The following CORIN variants were observed in gnomAD, a reference collection of about 807,000 sequenced individuals.
CORIN encodes corin, serine peptidase.
CORIN carries 117 observed loss-of-function variants against 125.3 expected under a neutral mutation model. The ratio of observed to expected loss-of-function variants is 0.93; its 90% CI spans 0.80 to 1.09. The LOEUF is 1.09. Among genes scored for constraint, CORIN ranks in the 50% least tolerant of loss-of-function variants. The probability of loss-of-function intolerance (pLI) is 0.00; values close to 1 mark genes in which losing one functional copy is unlikely to be tolerated. For synonymous variants in CORIN, 450 were observed against 466.4 expected (o/e 0.96, Z 0.45); for missense variants, 1,253 against 1,306.7 (o/e 0.96, Z 0.63).
intron 16 of CORIN, among the ~76,000 whole-genome samples, chr4:47,636,611 T>A (rs2109593956): frequency 6.6e-6 from 1 of 152,038 alleles, no homozygotes; most frequent in South Asian, 2.1e-4. Context: ...AGTGAATGAG[T>A]TTTAGGAGAT....
At chr4:47,744,952 C>CA (rs1229596951) in intron 4 of CORIN, among the ~76,000 whole-genome samples, 1 of 152,052 alleles carries the variant, frequency 6.6e-6, no homozygotes, top group East Asian at 1.9e-4. Context: ...AGAAGTAGGT[C>CA]AAAAATATGT....
chr4:47,596,399 C>G (rs1721251399), intron 21 of CORIN, among the ~76,000 whole-genome samples: 1 of 152,140 alleles, frequency 6.6e-6, no homozygotes. Flanking sequence ...AATTTGGGGT[C>G]CCTTACTACA....
At chr4:47,758,954 G>C (rs1729321927) in intron 4 of CORIN, among the ~76,000 whole-genome samples, 1 of 152,092 alleles carries the variant, frequency 6.6e-6, no homozygotes, top group Admixed American at 6.6e-5. Flanking sequence ...TGTGAGACTG[G>C]AATAATAACA....
At chr4:47,621,850 CT>C (rs869215076) in intron 19 of CORIN, among the ~76,000 whole-genome samples, 5,348 of 138,344 alleles carry the variant, frequency 0.039, 266 homozygotes, top group African/African-American at 0.12. Flanking sequence ...AGATAAAAAT[CT>C]TTTTTTTTTT....
At chr4:47,634,857 G>A (rs755183509) in intron 16 of CORIN, among the ~76,000 whole-genome samples, 19 of 152,156 alleles carry the variant, frequency 1.2e-4, no homozygotes, top group Non-Finnish European at 2.4e-4. Context: ...GGGAAGTGAA[G>A]TAAATATCGA....
intron 13 of CORIN, among the ~76,000 whole-genome samples, chr4:47,650,104 T>C (rs144674210): frequency 8.5e-5 from 13 of 152,354 alleles, no homozygotes; most frequent in African/African-American, 3.1e-4. Context: ...GATCTTCTAA[T>C]ACAACCTAAG....
At position 47,692,964 on chromosome 4, in the gene CORIN, A is replaced by C. The variant is rs1725834458; in HGVS notation, c.913+6T>G. ...TCAGACAAACCCTAAACAGCTTGTC[A>C]CATACTGCAATGAGCCTCGTCACTC... On this transcript the variant is annotated splice_donor_region_variant and intron_variant, in intron 6 of 21. Coordinates refer to ENST00000273857, the MANE Select transcript of CORIN (RefSeq NM_006587.4). 1 of 1,603,966 alleles carries C rather than the reference A, an allele frequency of 6.2e-7. No individual in the cohort carries two copies. Among genetic ancestry groups the C allele is most frequent in the Non-Finnish European group, 8.5e-7 (1 of 1,170,926 alleles).
intron 4 of CORIN, among the ~76,000 whole-genome samples, chr4:47,759,769 C>A (rs1729360122): frequency 6.6e-6 from 1 of 152,116 alleles, no homozygotes; most frequent in African/African-American, 2.4e-5. Context: ...CTCAAGAAAC[C>A]ACTTTCTTTG....
At chr4:47,698,995 G>C (rs10032968) in intron 5 of CORIN, among the ~76,000 whole-genome samples, 8 of 152,190 alleles carry the variant, frequency 5.3e-5, no homozygotes, top group African/African-American at 1.9e-4. Flanking sequence ...TCTACATCTA[G>C]GTTCGTGTAA....
intron 7 of CORIN, 41 bp downstream of exon 7, chr4:47,683,690 T>C (rs1306941760): frequency 1.4e-5 from 20 of 1,440,908 alleles, no homozygotes; most frequent in Admixed American, 1.9e-5. Context: ...TAAATTTCTA[T>C]GATTTTAAAT....
At chr4:47,597,879 C>T (rs940690646) in intron 21 of CORIN, among the ~76,000 whole-genome samples, 3 of 152,136 alleles carry the variant, frequency 2.0e-5, no homozygotes, top group Non-Finnish European at 4.4e-5. Context: ...CAAAAGTCAG[C>T]TTGGGTAACA....
chr4:47,819,909 G>C (rs1358294856), intron 1 of CORIN, among the ~76,000 whole-genome samples: 1 of 152,154 alleles, frequency 6.6e-6, no homozygotes, highest in Non-Finnish European at 1.5e-5. Flanking sequence ...ATAATCATCA[G>C]AATGCTACCA....
intron 12 of CORIN, among the ~76,000 whole-genome samples, chr4:47,658,083 A>G (rs1275211137): frequency 6.6e-6 from 1 of 152,186 alleles, no homozygotes. Flanking sequence ...CCTTCTACCT[A>G]TGAGCCTGTA....
intron 6 of CORIN, among the ~76,000 whole-genome samples, chr4:47,690,409 T>G (rs2109736946): frequency 6.6e-6 from 1 of 152,308 alleles, no homozygotes; most frequent in Middle Eastern, 3.4e-3. Context: ...TCAAAGCATG[T>G]AGGTAAATGC....
At chr4:47,657,676 C>T (rs1029245208) in intron 12 of CORIN, among the ~76,000 whole-genome samples, 1 of 152,004 alleles carries the variant, frequency 6.6e-6, no homozygotes, top group African/African-American at 2.4e-5. Flanking sequence ...AGCTTACAAT[C>T]ATGGCAGAAG....
intron 16 of CORIN, among the ~76,000 whole-genome samples, chr4:47,629,634 G>C (rs923967137): frequency 3.3e-5 from 5 of 152,074 alleles, no homozygotes; most frequent in African/African-American, 1.2e-4. Context: ...AATAGTGTTT[G>C]AGTATCTTTG....
intron 2 of CORIN, among the ~76,000 whole-genome samples, chr4:47,789,778 T>C (rs527858081): frequency 6.6e-6 from 1 of 152,252 alleles, no homozygotes; most frequent in Non-Finnish European, 1.5e-5. Flanking sequence ...CCCAGCACTT[T>C]GGGAGGCTGA....
intron 17 of CORIN, among the ~76,000 whole-genome samples, chr4:47,624,776 A>T (rs1354373166): frequency 6.6e-6 from 1 of 152,106 alleles, no homozygotes; most frequent in Non-Finnish European, 1.5e-5. Flanking sequence ...ACCATGAAAC[A>T]TTTACATTAC....
intron 5 of CORIN, among the ~76,000 whole-genome samples, chr4:47,698,855 C>A (rs1216025872): frequency 6.6e-6 from 1 of 152,200 alleles, no homozygotes; most frequent in East Asian, 1.9e-4. Flanking sequence ...TTTCTATGTG[C>A]AGATATGTTT....
Sources: allele counts gnomAD v4.1 joint callset (sites outside exome capture counted in the v4.1 genomes callset), GRCh38; gene constraint gnomAD v4.1.1; transcripts MANE v1.5; gene names NCBI Gene and HGNC (gene_info 2026-07-23, HGNC 2026-07-21).